Variants in PCDHA1 observed in about 807,000 individuals in gnomAD.
PCDHA1 encodes the protein protocadherin alpha 1.
Under a neutral mutation model 61.3 loss-of-function variants are expected in PCDHA1, and 42 were observed. The ratio of observed to expected loss-of-function variants is 0.69; its 90% CI spans 0.54 to 0.89. The LOEUF is 0.89. Ranked by LOEUF, PCDHA1 falls within the 40% of genes least tolerant of loss-of-function variation. The probability of loss-of-function intolerance (pLI) is 0.00; values close to 1 mark genes in which losing one functional copy is unlikely to be tolerated. For missense variants in PCDHA1, 1,256 were observed against 1,235.3 expected, an observed-to-expected ratio of 1.02 and a Z score of -0.25; for synonymous variants, 610 against 553.8, an observed-to-expected ratio of 1.10 and a Z score of -1.43.
Position 140,787,165 on chromosome 5 carries a change from A to C in PCDHA1, c.875A>C (p.Lys292Thr). The change falls in exon 1 of 4, where the codon AAA becomes ACA. Residue 292 changes from lysine to threonine, a missense_variant. Coordinates refer to ENST00000504120, the MANE Select transcript of PCDHA1 (RefSeq NM_018900.4). Reference protein sequence around the residue: ...DSGISRDIQEKFKVDSSSGEI... With the variant: ...DSGISRDIQETFKVDSSSGEI... ...GGTATTTCTCGTGACATTCAAGAAAAATTCAAAGTTGATTCCAGCTCAGGA... is the reference window on the plus strand; with the variant it reads ...GGTATTTCTCGTGACATTCAAGAAACATTCAAAGTTGATTCCAGCTCAGGA... The C allele has an allele frequency of 6.2e-7, 1 of 1,613,716 alleles. No homozygotes were observed. Among genetic ancestry groups the C allele is most frequent in the Non-Finnish European group, 8.5e-7 (1 of 1,179,876 alleles).
At chr5:140,842,869 G>A (rs1562404536) in intron 1 of PCDHA1, 1 of 1,594,118 alleles carries the variant, frequency 6.3e-7, no homozygotes, top group Non-Finnish European at 8.6e-7. Context: ...AGAGCGGCAA[G>A]GTGTACGCGC....
intron 1 of PCDHA1, among the ~76,000 whole-genome samples, chr5:140,933,436 A>G (rs1554209364): frequency 6.6e-6 from 1 of 152,102 alleles, no homozygotes; most frequent in Non-Finnish European, 1.5e-5. Flanking sequence ...GGGGCACTCT[A>G]ATGACATACC....
At chr5:140,808,676 C>A (rs369858637) in intron 1 of PCDHA1, 5 of 1,612,726 alleles carry the variant, frequency 3.1e-6, no homozygotes, top group Non-Finnish European at 4.2e-6. Context: ...GCTGGTAGAG[C>A]GGCGGGTAGG....
At chr5:140,880,684 A>G (rs903335932) in intron 1 of PCDHA1, among the ~76,000 whole-genome samples, 27 of 152,226 alleles carry the variant, frequency 1.8e-4, no homozygotes, top group Admixed American at 1.2e-3. Flanking sequence ...TGAAGAGAAT[A>G]GTCATGGTTA....
At chr5:140,874,881 C>T (rs1316593398) in intron 1 of PCDHA1, among the ~76,000 whole-genome samples, 3 of 152,102 alleles carry the variant, frequency 2.0e-5, no homozygotes, top group Non-Finnish European at 2.9e-5. Context: ...AATACAAATT[C>T]CTAACTTTCT....
intron 1 of PCDHA1, chr5:140,850,299 G>T (rs1554144160): frequency 6.3e-7 from 1 of 1,596,494 alleles, no homozygotes; most frequent in African/African-American, 1.3e-5. Context: ...CGCCGACTCG[G>T]GCTACAACGC....
intron 1 of PCDHA1, chr5:140,842,102 G>C (rs1777709784): frequency 1.9e-6 from 3 of 1,613,894 alleles, no homozygotes; most frequent in East Asian, 4.5e-5. Context: ...CGGAACAACA[G>C]TTATCAAACT....
At chr5:140,877,374 A>C in intron 1 of PCDHA1, 1 of 1,613,970 alleles carries the variant, frequency 6.2e-7, no homozygotes, top group Non-Finnish European at 8.5e-7. Context: ...TCAGCACGAC[A>C]CGCATCCTGG....
chr5:140,809,591 T>A (rs1554125312), intron 1 of PCDHA1: 1 of 1,536,038 alleles, frequency 6.5e-7, no homozygotes, highest in Non-Finnish European at 8.8e-7. Context: ...ATAACATCCT[T>A]TTGTTTAATT....
At chr5:140,870,053 T>C (rs782629825) in intron 1 of PCDHA1, 4 of 1,613,810 alleles carry the variant, frequency 2.5e-6, no homozygotes, top group Middle Eastern at 1.6e-4. Context: ...TTTTATAAAA[T>C]TGAAGTACAG....
intron 1 of PCDHA1, among the ~76,000 whole-genome samples, chr5:140,941,214 C>CCTTCCTTTCTTT (rs1554214040): frequency 1.6e-5 from 2 of 122,412 alleles, no homozygotes; most frequent in Non-Finnish European, 3.4e-5. Flanking sequence ...TTTCTTTCTT[C>CCTTCCTTTCTTT]CTTTCTTTCT....
intron 1 of PCDHA1, among the ~76,000 whole-genome samples, chr5:140,939,679 T>A (rs2092435989): frequency 6.6e-6 from 1 of 152,196 alleles, no homozygotes; most frequent in South Asian, 2.1e-4. Context: ...TGTATGTATG[T>A]GTGTGTTGCT....
Position 141,011,476 on chromosome 5 carries a change from A to G in PCDHA1, c.*1539A>G, listed in dbSNP as rs2098420741. On this transcript the variant is annotated 3_prime_UTR_variant, in exon 4 of 4. Coordinates refer to ENST00000504120, the MANE Select transcript of PCDHA1 (RefSeq NM_018900.4). ...CTTTATTGTTGAATGTAATTCCATT[A>G]TATTTCCTTTTGTACACCTGTGAAA... 1 of 153,776 alleles carries G rather than the reference A, an allele frequency of 6.5e-6. No homozygotes were observed. 9.5% of individuals were successfully genotyped at this position (153,776 alleles called of 1,614,324 possible). A position where few individuals can be genotyped will look rare whatever the true frequency, so the allele number is the denominator to read the frequency against.
At chr5:140,827,522 A>G (rs1769311626) in intron 1 of PCDHA1, among the ~76,000 whole-genome samples, 2 of 151,350 alleles carry the variant, frequency 1.3e-5, no homozygotes. Flanking sequence ...TAAAAATTCA[A>G]CCAAAATTTG....
intron 1 of PCDHA1, among the ~76,000 whole-genome samples, chr5:140,900,358 A>C (rs2067968295): frequency 6.6e-6 from 1 of 151,358 alleles, no homozygotes. Flanking sequence ...GCTCACCGCA[A>C]CCTCTGCCTC....
chr5:140,825,170 T>G (rs1391408665), intron 1 of PCDHA1: 1 of 151,844 alleles, frequency 6.6e-6, no homozygotes, highest in African/African-American at 2.4e-5. Flanking sequence ...TTTTTTCATT[T>G]ACTAATGTAT....
chr5:140,856,471 A>T, intron 1 of PCDHA1: 3 of 1,597,970 alleles, frequency 1.9e-6, no homozygotes, highest in Non-Finnish European at 2.6e-6. Context: ...AGCTCTCAAT[A>T]CCTGAATCCA....
Position 140,786,584 on chromosome 5 carries a change from G to A in PCDHA1, c.294G>A (p.Trp98Ter). The change falls in exon 1 of 4, where the codon TGG (tryptophan) becomes TGA (stop). Residue 98 changes from tryptophan to a stop codon, truncating the protein, a stop_gained. Coordinates refer to ENST00000504120, the MANE Select transcript of PCDHA1 (RefSeq NM_018900.4). LOFTEE classifies it high-confidence loss of function. The stretch of plus-strand genomic sequence containing the variant: ...TCGATCGCGAGGAGCTGTGCCAGTG[G>A]AGCGCGGAGTGCAGCATCCACCTGG... ...SRIDREELCQ[W>*]SAECSIHLEL... The A allele has an allele frequency of 6.2e-7, 1 of 1,614,262 alleles. No homozygotes were observed.
At chr5:140,919,014 A>G (rs1008657889) in intron 1 of PCDHA1, among the ~76,000 whole-genome samples, 1 of 152,184 alleles carries the variant, frequency 6.6e-6, no homozygotes, top group Non-Finnish European at 1.5e-5. Context: ...TTCATTTCCT[A>G]GTGATCTTCT....
Sources: gnomAD v4.1 joint callset for allele counts (sites outside exome capture counted in the v4.1 genomes callset) on GRCh38, gnomAD v4.1.1 for gene constraint, MANE v1.5 for transcripts, NCBI Gene and HGNC (gene_info 2026-07-23, HGNC 2026-07-21) for gene names.